Variants in GOLIM4 observed in about 807,000 individuals in gnomAD.
GOLIM4 encodes the protein golgi integral membrane protein 4.
Under a neutral mutation model 107.4 loss-of-function variants are expected in GOLIM4, and 71 were observed. The observed-to-expected ratio is 0.66, with a 90% CI of 0.55 to 0.81. The LOEUF (loss-of-function observed/expected upper bound fraction) is 0.81. Among genes scored for constraint, GOLIM4 ranks in the 30% least tolerant of loss-of-function variants. The pLI is 0.00. For missense variants in GOLIM4, 830 were observed against 826.1 expected (o/e 1.00, Z -0.06); for synonymous variants, 327 against 294.8 (o/e 1.11, Z -1.12).
At chr3:168,060,837 T>C (rs763443768) in intron 1 of GOLIM4, among the ~76,000 whole-genome samples, 37 of 152,102 alleles carry the variant, frequency 2.4e-4, no homozygotes, top group Admixed American at 5.2e-4. Context: ...CAATACTATG[T>C]TTAGCATAGG....
At chr3:168,040,278 G>GTTCAAAAAGAACAAAAA in intron 7 of GOLIM4, among the ~76,000 whole-genome samples, 1 of 152,322 alleles carries the variant, frequency 6.6e-6, no homozygotes, top group Non-Finnish European at 1.5e-5. Flanking sequence ...TGGAGCTTAT[G>GTTCAAAAAGAACAAAAA]ACTCTTGTTT....
intron 14 of GOLIM4, among the ~76,000 whole-genome samples, chr3:168,014,123 C>A (rs1057217060): frequency 4.2e-5 from 6 of 141,432 alleles, no homozygotes; most frequent in African/African-American, 1.2e-4. Context: ...AAAGGATCAA[C>A]AAAATTGATA....
At chr3:168,079,540 TTATG>T in intron 1 of GOLIM4, among the ~76,000 whole-genome samples, 1 of 152,290 alleles carries the variant, frequency 6.6e-6, no homozygotes, top group South Asian at 2.1e-4. Flanking sequence ...TTGTGCACTT[TTATG>T]TATGTAAGTT....
At chr3:168,017,748 G>A (rs777955952) in intron 14 of GOLIM4, among the ~76,000 whole-genome samples, 1 of 152,048 alleles carries the variant, frequency 6.6e-6, no homozygotes, top group Non-Finnish European at 1.5e-5. Flanking sequence ...ATATTTCTCT[G>A]GCTAAGATAT....
At position 168,091,032 on chromosome 3, in the gene GOLIM4, TGA is replaced by T. The variant is rs987396726; in HGVS notation, c.187+4065_187+4066del. On this transcript the variant is annotated intron_variant, in intron 1 of 15. Coordinates refer to ENST00000470487, the MANE Select transcript of GOLIM4 (RefSeq NM_014498.5). Reference sequence around the variant, plus strand: ...CAAAAGGTGGGAGGCTAGCAGGGGGTGAGAGTTGGAAATTTTCCTGTGGGGTA... The same window carrying T: ...CAAAAGGTGGGAGGCTAGCAGGGGGTGAGTTGGAAATTTTCCTGTGGGGTA... 2.1e-4 allele frequency among the ~76,000 whole-genome samples: 32 copies of T among 150,158 alleles called. 1 individual carries two copies. The South Asian group carries it at 2.9e-3, about 14-fold the overall frequency.
intron 15 of GOLIM4, 113 bp downstream of exon 15, chr3:168,010,630 C>T (rs997142956): frequency 1.1e-6 from 1 of 879,788 alleles, no homozygotes; most frequent in Non-Finnish European, 1.8e-6. Context: ...TCAGTGGTAA[C>T]TCAGAGGTAC....
At chr3:168,084,786 C>T (rs1453255099) in intron 1 of GOLIM4, among the ~76,000 whole-genome samples, 1 of 152,010 alleles carries the variant, frequency 6.6e-6, no homozygotes, top group Middle Eastern at 3.2e-3. Flanking sequence ...GAATGTGCCT[C>T]GAACACACTC....
At chr3:168,091,176 T>C (rs1441389133) in intron 1 of GOLIM4, among the ~76,000 whole-genome samples, 2 of 152,236 alleles carry the variant, frequency 1.3e-5, no homozygotes, top group Non-Finnish European at 2.9e-5. Flanking sequence ...TGTGACCTTT[T>C]TTTAAAATTT....
Position 168,010,207 on chromosome 3 carries a change from T to C in GOLIM4, c.*62A>G. 6.8e-7 allele frequency: 1 copy of C among 1,474,206 alleles called. No individual in the cohort carries two copies. The highest frequency in any genetic ancestry group is 9.2e-7 in the Non-Finnish European group (1 of 1,084,448). The allele number at this position is 1,474,206 out of a possible 1,614,324, so 91.3% of individuals were successfully genotyped here. A position where few individuals can be genotyped will look rare whatever the true frequency, so the allele number is the denominator to read the frequency against. ...AATATCCTAGAGTTCAGTAGGCAGA[T>C]TTATGTTTGAGCAGCTTGAAAAGAA... On this transcript the variant is annotated 3_prime_UTR_variant, in exon 16 of 16. Transcript: ENST00000470487.
At chr3:168,081,654 C>A (rs1439843652) in intron 1 of GOLIM4, among the ~76,000 whole-genome samples, 1 of 152,142 alleles carries the variant, frequency 6.6e-6, no homozygotes, top group Non-Finnish European at 1.5e-5. Context: ...TGTGTGACTT[C>A]TGCTTCCTTA....
chr3:168,086,715 C>T (rs1028177599), intron 1 of GOLIM4, among the ~76,000 whole-genome samples: 11 of 152,164 alleles, frequency 7.2e-5, no homozygotes, highest in Non-Finnish European at 1.5e-4. Context: ...CATGTCCCTC[C>T]GGGCTATGAG....
At chr3:168,048,000 G>A (rs988092080) in intron 2 of GOLIM4, among the ~76,000 whole-genome samples, 2 of 148,794 alleles carry the variant, frequency 1.3e-5, no homozygotes, top group African/African-American at 2.5e-5. Flanking sequence ...TAATATACCC[G>A]TTTAATATGC....
At chr3:168,051,134 A>G (rs1719619470) in intron 1 of GOLIM4, among the ~76,000 whole-genome samples, 1 of 152,212 alleles carries the variant, frequency 6.6e-6, no homozygotes, top group African/African-American at 2.4e-5. Flanking sequence ...GAAGGACAGA[A>G]CTCATCAGCA....
In GOLIM4 at chr3:168,032,739, C is replaced by A; in HGVS notation, c.957G>T (p.Glu319Asp). The part of the protein sequence containing the change: ...HKEAEFQAPP[E>D]PIQQEVERRE... ...TGCGTTCCACTTCTTGTTGGATTGG[C>A]TCTGGGGGAGCCTGAAATTCTGCCT... Residue 319 changes from glutamate (E) to aspartate (D), a missense_variant, in exon 9 of 16, where the codon GAG (glutamate) becomes GAT (aspartate). Coordinates refer to ENST00000470487, the MANE Select transcript of GOLIM4 (RefSeq NM_014498.5). 6.2e-7 allele frequency: 1 copy of A among 1,614,134 alleles called. No individual in the cohort carries two copies. Among genetic ancestry groups the A allele is most frequent in the Non-Finnish European group, 8.5e-7 (1 of 1,180,032 alleles).
At chr3:168,054,691 TC>T (rs1488897087) in intron 1 of GOLIM4, among the ~76,000 whole-genome samples, 1 of 152,126 alleles carries the variant, frequency 6.6e-6, no homozygotes, top group Non-Finnish European at 1.5e-5. Flanking sequence ...ACTTATTAAT[TC>T]CCTGTCTATC....
intron 14 of GOLIM4, among the ~76,000 whole-genome samples, chr3:168,018,517 G>T (rs1466881955): frequency 6.6e-6 from 1 of 152,108 alleles, no homozygotes; most frequent in Non-Finnish European, 1.5e-5. Flanking sequence ...CAAAGGCATC[G>T]AATATCTATT....
chr3:168,016,179 T>G (rs1214139685), intron 14 of GOLIM4, among the ~76,000 whole-genome samples: 1 of 133,658 alleles, frequency 7.5e-6, no homozygotes, highest in African/African-American at 4.0e-5. Context: ...TACAATGAAC[T>G]CAAACAAATT....
chr3:168,078,627 T>C (rs1159118776), intron 1 of GOLIM4, among the ~76,000 whole-genome samples: 2 of 152,158 alleles, frequency 1.3e-5, no homozygotes, highest in Non-Finnish European at 2.9e-5. Flanking sequence ...TTTCCAGTGG[T>C]AGAATTTCTC....
chr3:168,069,796 GCTAAA>G (rs953140258), intron 1 of GOLIM4, among the ~76,000 whole-genome samples: 1 of 152,112 alleles, frequency 6.6e-6, no homozygotes, highest in African/African-American at 2.4e-5. Flanking sequence ...CTTGTAATAT[GCTAAA>G]CTAAATTTCC....
Sources: allele counts gnomAD v4.1 joint callset (sites outside exome capture counted in the v4.1 genomes callset), GRCh38; gene constraint gnomAD v4.1.1; transcripts MANE v1.5; gene names NCBI Gene and HGNC (gene_info 2026-07-23, HGNC 2026-07-21).